STK32B: variants seen among roughly 807,000 people sequenced by gnomAD.
STK32B encodes the protein serine/threonine-protein kinase 32B.
STK32B carries 43 observed loss-of-function variants against 52.6 expected under a neutral mutation model. The ratio of observed to expected loss-of-function variants is 0.82; its 90% CI spans 0.64 to 1.05. STK32B has a LOEUF of 1.05. Ranked by LOEUF, STK32B falls within the 50% of genes least tolerant of loss-of-function variation. The pLI is 0.00. For missense variants in STK32B, 621 were observed against 534.6 expected (o/e 1.16, Z -1.59); for synonymous variants, 238 against 204.3 (o/e 1.17, Z -1.41).
At chr4:5,142,897 T>C (rs77447498) in intron 2 of STK32B, among the ~76,000 whole-genome samples, 1 of 152,174 alleles carries the variant, frequency 6.6e-6, no homozygotes, top group South Asian at 2.1e-4. Context: ...ATCCAACCAT[T>C]TGAAGACTTT....
At chr4:5,052,215 T>C (rs1237194548) in intron 1 of STK32B, among the ~76,000 whole-genome samples, 1 of 152,084 alleles carries the variant, frequency 6.6e-6, no homozygotes, top group African/African-American at 2.4e-5. Flanking sequence ...AGGAGTTGAC[T>C]TCGGAGGCCA....
intron 3 of STK32B, among the ~76,000 whole-genome samples, chr4:5,285,491 A>G (rs921503902): frequency 1.3e-5 from 2 of 152,214 alleles, no homozygotes; most frequent in East Asian, 3.8e-4. Context: ...AATAGGATAG[A>G]AAAAGATAAA....
At position 5,469,167 on chromosome 4, in the gene STK32B, G is replaced by A. The variant is rs1248367460; in HGVS notation, c.1106+1097G>A. Among the ~76,000 whole-genome samples, 1 of 152,194 alleles carries A rather than the reference G, an allele frequency of 6.6e-6. No homozygotes were observed. Among genetic ancestry groups the A allele is most frequent in the Non-Finnish European group, 1.5e-5 (1 of 68,046 alleles). On this transcript the variant is annotated intron_variant, in intron 11 of 11. Coordinates refer to ENST00000282908, the MANE Select transcript of STK32B (RefSeq NM_018401.3). This position sits in a 1 kb window ranked among gnomAD's most constrained non-coding sequence, Gnocchi z 4.7. ...TGGACCCACACTAAGCCAAGCTTTG[G>A]GTTGGTGGAGGCAAATCAGAGATGC...
chr4:5,071,024 T>C (rs996954149), intron 1 of STK32B, among the ~76,000 whole-genome samples: 20 of 152,098 alleles, frequency 1.3e-4, no homozygotes, highest in African/African-American at 4.8e-4. Context: ...AAAAGAGCAA[T>C]AGCAGATCAT....
chr4:5,062,938 A>G (rs966710065), intron 1 of STK32B, among the ~76,000 whole-genome samples: 3 of 152,098 alleles, frequency 2.0e-5, no homozygotes, highest in South Asian at 2.1e-4. Flanking sequence ...CCATCTATTC[A>G]TTTTCATTAC....
In STK32B at chr4:5,160,345, C is replaced by G. The variant is rs553786713; in HGVS notation, c.109-7954C>G. On this transcript the variant is annotated intron_variant, in intron 2 of 11. Transcript: ENST00000282908. ...CCATTAAGGCAAATACCACTCTTAT[C>G]CCCATTGTACAGATGAGGAAGTTGA... 2.0e-5 allele frequency among the ~76,000 whole-genome samples: 3 copies of G among 152,302 alleles called. No homozygotes were observed. The East Asian group carries it at 5.8e-4, about 29-fold the overall frequency.
chr4:5,130,002 A>G (rs1318765520), intron 1 of STK32B, among the ~76,000 whole-genome samples: 1 of 152,150 alleles, frequency 6.6e-6, no homozygotes, highest in Non-Finnish European at 1.5e-5. Context: ...GACATCCCAA[A>G]GGAGAGGTGC....
intron 3 of STK32B, among the ~76,000 whole-genome samples, chr4:5,271,867 T>A (rs998513720): frequency 7.1e-6 from 1 of 140,732 alleles, no homozygotes; most frequent in African/African-American, 3.2e-5. Flanking sequence ...ATCCTGAGAC[T>A]TTGCTGAAGT....
rs1720643770 is a variant in STK32B at position 5,500,537 on chromosome 4, TTTA to T, written c.*1457_*1459del. 6.6e-6 allele frequency: 1 copy of T among 152,254 alleles called. No homozygotes were observed. The highest frequency in any genetic ancestry group is 1.5e-5 in the Non-Finnish European group (1 of 68,048). 9.4% of individuals were successfully genotyped at this position (152,254 alleles called of 1,614,324 possible). A position where few individuals can be genotyped will look rare whatever the true frequency, so the allele number is the denominator to read the frequency against. ...CATCCTGCTGAAGTTCGACTGTGTT[TTTA>T]TTTTTTCATCCAACTTCCATTTTTC... On this transcript the variant is annotated 3_prime_UTR_variant, in exon 12 of 12. Coordinates refer to ENST00000282908, the MANE Select transcript of STK32B (RefSeq NM_018401.3).
rs548086205 is a variant in STK32B, at chr4:5,162,164, ACTCCTCTGTC to A, written c.109-6129_109-6120del. Among the ~76,000 whole-genome samples the A allele has an allele frequency of 3.9e-5, 6 of 152,044 alleles. No homozygotes were observed. The East Asian group carries it at 9.7e-4, about 25-fold the overall frequency. ...CACAGCTCTAGCCTCTCTGTTCTGT[ACTCCTCTGTC>A]CTCCTGGAGCCTGGGTTGCCTGAGC... On this transcript the variant is annotated intron_variant, in intron 2 of 11. Transcript: ENST00000282908.
chr4:5,444,596 C>T (rs895889208), intron 6 of STK32B, among the ~76,000 whole-genome samples: 2 of 152,212 alleles, frequency 1.3e-5, no homozygotes, highest in Admixed American at 1.3e-4. Flanking sequence ...TTGACCGGAG[C>T]TGTTCCTATT....
At chr4:5,150,977 T>C (rs2108845335) in intron 2 of STK32B, among the ~76,000 whole-genome samples, 1 of 152,334 alleles carries the variant, frequency 6.6e-6, no homozygotes, top group South Asian at 2.1e-4. Flanking sequence ...TTGAGAGTTT[T>C]GTTCCTGAAC....
Position 5,418,112 on chromosome 4 carries a change from C to T in STK32B, c.562+1178C>T, listed in dbSNP as rs1222788073. On this transcript the variant is annotated intron_variant, in intron 6 of 11. Coordinates refer to ENST00000282908, the MANE Select transcript of STK32B (RefSeq NM_018401.3). Reference sequence around the variant, plus strand: ...AGGGAACTGCATGGAGCATGGCTATCAGAAGGCTGATGCACTGGGGAACCA... The same window carrying T: ...AGGGAACTGCATGGAGCATGGCTATTAGAAGGCTGATGCACTGGGGAACCA... Among the ~76,000 whole-genome samples, 3 of 152,224 alleles carry T rather than the reference C, an allele frequency of 2.0e-5. No homozygotes were observed. The East Asian group carries it at 5.8e-4, about 29-fold the overall frequency.
At chr4:5,256,074 G>C (rs1726273893) in intron 3 of STK32B, among the ~76,000 whole-genome samples, 2 of 152,140 alleles carry the variant, frequency 1.3e-5, no homozygotes, top group Admixed American at 1.3e-4. Context: ...ATTAGAAGAA[G>C]GAAATTGTGG....
chr4:5,242,240 T>A (rs1157749808), intron 3 of STK32B, among the ~76,000 whole-genome samples: 1 of 152,240 alleles, frequency 6.6e-6, no homozygotes, highest in Non-Finnish European at 1.5e-5. Context: ...CAGCACCTGT[T>A]GTTTACTGAC....
intron 2 of STK32B, 69 bp from the exon 3 acceptor site, chr4:5,168,230 G>T (rs754992865): frequency 4.5e-6 from 7 of 1,551,720 alleles, no homozygotes; most frequent in Admixed American, 1.8e-5. Flanking sequence ...GCAGTGCGGG[G>T]TGACATTTCT....
intron 5 of STK32B, among the ~76,000 whole-genome samples, chr4:5,407,216 C>T (rs971876548): frequency 2.0e-5 from 3 of 152,160 alleles, no homozygotes; most frequent in Non-Finnish European, 4.4e-5. Context: ...GACCTTTGCT[C>T]CAGTTCCCAA....
chr4:5,379,685 G>A (rs990341715), intron 4 of STK32B, among the ~76,000 whole-genome samples: 1 of 152,104 alleles, frequency 6.6e-6, no homozygotes, highest in Non-Finnish European at 1.5e-5. Context: ...TTAGAACACA[G>A]ACACACACAA....
chr4:5,114,352 C>T (rs1714595269), intron 1 of STK32B, among the ~76,000 whole-genome samples: 1 of 151,978 alleles, frequency 6.6e-6, no homozygotes, highest in Non-Finnish European at 1.5e-5. Flanking sequence ...TTCCTGGACC[C>T]AGATGTATTT....
Sources: allele counts gnomAD v4.1 joint callset (sites outside exome capture counted in the v4.1 genomes callset), GRCh38; gene constraint gnomAD v4.1.1; non-coding constraint Gnocchi (gnomAD v3.1); transcripts MANE v1.5; gene names NCBI Gene and HGNC (gene_info 2026-07-23, HGNC 2026-07-21).